Variants in ANXA11 observed in about 807,000 individuals in gnomAD.
ANXA11 encodes the protein annexin A11.
In ANXA11, 57 loss-of-function variants were observed where a neutral mutation model predicts 64.7. The ratio of observed to expected loss-of-function variants is 0.88; its 90% CI spans 0.71 to 1.10. The LOEUF (loss-of-function observed/expected upper bound fraction) is 1.10, where lower values mean the gene tolerates loss of function less well. Among genes scored for constraint, ANXA11 ranks in the 50% least tolerant of loss-of-function variants. The pLI is 0.00. For missense variants in ANXA11, 675 were observed against 670.7 expected (o/e 1.01, Z -0.07); for synonymous variants, 260 against 265.2 (o/e 0.98, Z 0.19).
At chr10:80,194,045 T>G (rs1469303990) in intron 1 of ANXA11, among the ~76,000 whole-genome samples, 1 of 151,918 alleles carries the variant, frequency 6.6e-6, no homozygotes, top group Non-Finnish European at 1.5e-5. Context: ...TGAACTATAT[T>G]CTTCAACTGC....
chr10:80,196,343 C>T (rs747563432), intron 1 of ANXA11, among the ~76,000 whole-genome samples: 31 of 152,280 alleles, frequency 2.0e-4, no homozygotes, highest in Middle Eastern at 3.4e-3. Flanking sequence ...TCTTCCTGTC[C>T]CCCACCACCA....
rs148550492 is a variant in ANXA11 at position 80,174,862 on chromosome 10, G to C, written c.-9+1245C>G. Among the ~76,000 whole-genome samples the C allele has an allele frequency of 1.6e-3, 241 of 152,342 alleles. 1 individual carries two copies. Among genetic ancestry groups the C allele is most frequent in the African/African-American group, 5.4e-3 (226 of 41,586 alleles). ...ATGAGCCACTGTGCCCAGCCTACAT[G>C]CTGTTTTTAAGGAAGCTAAAGAACT... On this transcript the variant is annotated intron_variant, in intron 2 of 15. Transcript: ENST00000422982.
chr10:80,196,519 C>T (rs1840177531), intron 1 of ANXA11, among the ~76,000 whole-genome samples: 1 of 152,182 alleles, frequency 6.6e-6, no homozygotes, highest in Admixed American at 6.5e-5. Context: ...ACATCTAGGA[C>T]ATTCCCCTCT....
At chr10:80,160,706 T>C (rs1845469720) in intron 12 of ANXA11, among the ~76,000 whole-genome samples, 1 of 152,064 alleles carries the variant, frequency 6.6e-6, no homozygotes. Flanking sequence ...GAGCCTCAGA[T>C]AACTTCAACT....
intron 4 of ANXA11, among the ~76,000 whole-genome samples, chr10:80,169,748 A>G (rs941783054): frequency 6.6e-6 from 1 of 152,184 alleles, no homozygotes; most frequent in Non-Finnish European, 1.5e-5. Flanking sequence ...TCTGGCAGGC[A>G]TGTTCAGGTG....
intron 1 of ANXA11, among the ~76,000 whole-genome samples, chr10:80,194,381 G>A (rs1477906491): frequency 6.6e-6 from 1 of 152,122 alleles, no homozygotes; most frequent in African/African-American, 2.4e-5. Context: ...ACCAGGGGCT[G>A]GGCTACACCC....
chr10:80,163,375 T>A lies in ANXA11; in HGVS notation c.1060A>T (p.Met354Leu). 6.2e-7 allele frequency: 1 copy of A among 1,613,800 alleles called. No individual in the cohort carries two copies. ...GNRDESTNVDMSLAQRDAQEL... is the reference protein window; with the variant it reads ...GNRDESTNVDLSLAQRDAQEL... ...TGGGCATCTCTCTGGGCGAGTGACA[T>A]GTCCACGTTTGTGCTTTCATCACGG... The change falls in exon 11 of 16, where the codon ATG (methionine) becomes TTG (leucine). Residue 354 changes from methionine (M) to leucine (L), a missense_variant. Transcript: ENST00000422982.
chr10:80,163,210 A>G (rs1845582674), intron 11 of ANXA11, 139 bp downstream of exon 11: 2 of 900,248 alleles, frequency 2.2e-6, no homozygotes, highest in African/African-American at 1.6e-5. Flanking sequence ...TGAACAGTTC[A>G]GCGCGTCTGA....
At chr10:80,167,485 T>C (rs949941011) in intron 5 of ANXA11, among the ~76,000 whole-genome samples, 172 bp from the exon 6 acceptor site, 2 of 152,202 alleles carry the variant, frequency 1.3e-5, no homozygotes, top group African/African-American at 2.4e-5. Flanking sequence ...CTAACTTGAC[T>C]GTTATCTGGC....
At chr10:80,189,361 C>T (rs1450202659) in intron 1 of ANXA11, among the ~76,000 whole-genome samples, 5 of 152,138 alleles carry the variant, frequency 3.3e-5, no homozygotes, top group Admixed American at 2.6e-4. Context: ...CACAACCCTG[C>T]CAACACCTTC....
chr10:80,178,689 G>A (rs1267516612), intron 1 of ANXA11, among the ~76,000 whole-genome samples: 2 of 152,246 alleles, frequency 1.3e-5, no homozygotes, highest in Non-Finnish European at 2.9e-5. Context: ...CTTTGAATCA[G>A]TGTCTCTGGG....
chr10:80,157,987 T>G lies in ANXA11; in HGVS notation c.1315A>C (p.Arg439=). The change falls in exon 14 of 16, where the codon AGG becomes CGG. Residue 439 remains arginine, a synonymous_variant. Coordinates refer to ENST00000422982, the MANE Select transcript of ANXA11 (RefSeq NM_145868.2). The part of the protein sequence containing the change: ...LKNTPAFFAE[R]LNKAMRGAGT... ...CATACCCTCATGGCCTTGTTGAGCC[T>G]CTCCGCAAAGAAGGCTGGGGTATTC... The G allele has an allele frequency of 6.2e-7, 1 of 1,614,066 alleles. No homozygotes were observed. Among genetic ancestry groups the G allele is most frequent in the Non-Finnish European group, 8.5e-7 (1 of 1,180,002 alleles).
At chr10:80,166,493 C>A in intron 7 of ANXA11, 1 of 441,056 alleles carries the variant, frequency 2.3e-6, no homozygotes, top group South Asian at 2.7e-5. Context: ...AGATTCAAAA[C>A]CCCAGAAGTT....
Position 80,155,773 on chromosome 10 carries a change from T to A in ANXA11, c.*80A>T. On this transcript the variant is annotated 3_prime_UTR_variant, in exon 16 of 16. Coordinates refer to ENST00000422982, the MANE Select transcript of ANXA11 (RefSeq NM_145868.2). ...AATCTCGGGGCTATTTGTGGATTTG[T>A]TAGAAACAGACATTCTTTTGGCCTT... 1 of 1,363,580 alleles carries A rather than the reference T, an allele frequency of 7.3e-7. No individual in the cohort carries two copies. The highest frequency in any genetic ancestry group is 1.2e-5 in the South Asian group (1 of 85,262). 84.5% of individuals were successfully genotyped at this position (1,363,580 alleles called of 1,614,324 possible). A position where few individuals can be genotyped will look rare whatever the true frequency, so the allele number is the denominator to read the frequency against.
At chr10:80,197,451 T>C (rs1320329041) in intron 1 of ANXA11, among the ~76,000 whole-genome samples, 2 of 152,130 alleles carry the variant, frequency 1.3e-5, no homozygotes, top group Non-Finnish European at 2.9e-5. Context: ...CAACAGAGAA[T>C]GGGGGTTGGC....
At chr10:80,161,812 C>A in intron 12 of ANXA11, 123 bp downstream of exon 12, 1 of 800,448 alleles carries the variant, frequency 1.2e-6, no homozygotes, top group Non-Finnish European at 2.0e-6. Context: ...CCAGGGGGCT[C>A]TTTTGAGGAG....
rs183331191 is a variant in ANXA11, at chr10:80,178,327, C to A, written c.-57-2172G>T. 2.0e-5 allele frequency among the ~76,000 whole-genome samples: 3 copies of A among 152,294 alleles called. No homozygotes were observed. In the East Asian group the frequency reaches 5.8e-4, roughly 29 times the overall value. On this transcript the variant is annotated intron_variant, in intron 1 of 15. Coordinates refer to ENST00000422982, the MANE Select transcript of ANXA11 (RefSeq NM_145868.2). ...AGAGACATGCTTCACACTGCTGGTG[C>A]AATTCTGATGGCTGGGGCATGTCCC...
At chr10:80,196,040 A>C (rs1252841055) in intron 1 of ANXA11, among the ~76,000 whole-genome samples, 2 of 151,822 alleles carry the variant, frequency 1.3e-5, no homozygotes, top group African/African-American at 4.8e-5. Flanking sequence ...TCTTCTTGGA[A>C]CTCTCACAGC....
chr10:80,163,794 C>T lies in ANXA11; in HGVS notation c.950-181G>A, dbSNP rs536172096. ...TACAAGCCTGTGACCTCCAGGCTGACCTGGCCTCTAGTCAGCCTTGGCCCA... is the reference window on the plus strand; with the variant it reads ...TACAAGCCTGTGACCTCCAGGCTGATCTGGCCTCTAGTCAGCCTTGGCCCA... On this transcript the variant is annotated intron_variant, in intron 9 of 15. Transcript: ENST00000422982. Among the ~76,000 whole-genome samples the T allele has an allele frequency of 8.5e-5, 13 of 152,288 alleles. No individual in the cohort carries two copies. In the South Asian group the frequency reaches 2.7e-3, roughly 32 times the overall value.
Sources: gnomAD v4.1 joint callset for allele counts (sites outside exome capture counted in the v4.1 genomes callset) on GRCh38, gnomAD v4.1.1 for gene constraint, MANE v1.5 for transcripts, NCBI Gene and HGNC (gene_info 2026-07-23, HGNC 2026-07-21) for gene names.